The following STX12 variants were observed in gnomAD, a reference collection of about 807,000 sequenced individuals.
STX12 encodes the protein syntaxin-12.
A neutral mutation model predicts 42.2 loss-of-function variants in STX12; 17 were observed. That is an observed-to-expected ratio of 0.40 (90% confidence interval 0.28 to 0.60). The LOEUF (loss-of-function observed/expected upper bound fraction) is 0.60, where lower values mean the gene tolerates loss of function less well. Ranked by LOEUF, STX12 falls within the 20% of genes least tolerant of loss-of-function variation. The pLI is 0.39. For synonymous variants in STX12, 108 were observed against 116.7 expected (o/e 0.93, Z 0.48); for missense variants, 297 against 330.9 (o/e 0.90, Z 0.79).
chr1:27,814,229 A>G (rs1375595291), intron 6 of STX12, among the ~76,000 whole-genome samples: 1 of 152,198 alleles, frequency 6.6e-6, no homozygotes, highest in African/African-American at 2.4e-5. Context: ...AATTGAATTA[A>G]TTGTCTAACA....
chr1:27,785,318 TA>T (rs1271796502), intron 1 of STX12, among the ~76,000 whole-genome samples: 6 of 152,162 alleles, frequency 3.9e-5, no homozygotes, highest in Non-Finnish European at 7.3e-5. Context: ...TAGAGGGATA[TA>T]GTCAGTCCAG....
At chr1:27,794,153 T>C (rs1309989361) in intron 3 of STX12, among the ~76,000 whole-genome samples, 1 of 152,004 alleles carries the variant, frequency 6.6e-6, no homozygotes, top group Non-Finnish European at 1.5e-5. Flanking sequence ...GCCTCCTGAG[T>C]AGCTGCAACT....
intron 3 of STX12, among the ~76,000 whole-genome samples, chr1:27,795,143 A>G (rs1318032049): frequency 6.6e-6 from 1 of 152,120 alleles, no homozygotes; most frequent in Non-Finnish European, 1.5e-5. Flanking sequence ...GGTTGTGGCT[A>G]GTGGAACATG....
intron 5 of STX12, 36 bp from the exon 6 acceptor site, chr1:27,812,127 G>A: frequency 6.6e-7 from 1 of 1,516,062 alleles, no homozygotes; most frequent in South Asian, 1.2e-5. Flanking sequence ...ATGCCTTTGA[G>A]AGGAGAAATC....
chr1:27,779,754 T>C (rs1465692028), intron 1 of STX12, among the ~76,000 whole-genome samples: 2 of 152,154 alleles, frequency 1.3e-5, no homozygotes, highest in Admixed American at 6.5e-5. Flanking sequence ...TTCTCAACTC[T>C]ATCTTTCAGT....
chr1:27,812,442 TG>T (rs2088909514), intron 6 of STX12, among the ~76,000 whole-genome samples, 174 bp downstream of exon 6: 1 of 139,386 alleles, frequency 7.2e-6, no homozygotes, highest in African/African-American at 3.4e-5. Context: ...CGGTTTTTTT[TG>T]TTTTTTTTTT....
Position 27,794,070 on chromosome 1 carries a change from G to A in STX12, c.288+438G>A, listed in dbSNP as rs74633950. ...GACAGGGTCTCCCTCTGTCACCTAC[G>A]GTAGAGCGCAGTGTTGAAATCATAG... On this transcript the variant is annotated intron_variant, in intron 3 of 8. Transcript: ENST00000373943. 5.4e-3 allele frequency among the ~76,000 whole-genome samples: 811 copies of A among 150,944 alleles called. 3 individuals are homozygous for A. The highest frequency in any genetic ancestry group is 7.7e-3 in the Non-Finnish European group (523 of 67,890).
intron 3 of STX12, among the ~76,000 whole-genome samples, chr1:27,798,433 T>C (rs1425916929): frequency 6.6e-6 from 1 of 150,804 alleles, no homozygotes. Context: ...TCACCTGAGG[T>C]CAGGAGTTTG....
At chr1:27,818,040 C>T (rs2088954991) in intron 7 of STX12, 117 bp downstream of exon 7, 1 of 747,732 alleles carries the variant, frequency 1.3e-6, no homozygotes. Flanking sequence ...TTGAAGCCAA[C>T]CTGGGCAACA....
rs1328323395 is a variant in STX12, at chr1:27,817,833, GT to G, written c.577-12del. 1 of 1,612,152 alleles carries G rather than the reference GT, an allele frequency of 6.2e-7. No homozygotes were observed. ...ACATGTTGCTTAATGTTAGTTAATT[GT>G]TTTTTGTCTTCCTTAGGCTGACATT... On this transcript the variant is annotated splice_polypyrimidine_tract_variant and intron_variant, in intron 6 of 8. Coordinates refer to ENST00000373943, the MANE Select transcript of STX12 (RefSeq NM_177424.3).
intron 4 of STX12, chr1:27,809,895 A>C (rs1003776308): frequency 5.3e-6 from 1 of 188,398 alleles, no homozygotes; most frequent in East Asian, 1.3e-4. Context: ...CATTTAAAAA[A>C]TTTTTACATG....
chr1:27,779,052 T>G (rs1002409991), intron 1 of STX12, among the ~76,000 whole-genome samples: 9 of 152,184 alleles, frequency 5.9e-5, no homozygotes, highest in African/African-American at 2.2e-4. Flanking sequence ...TAAAATTGAT[T>G]ATTATGAAAT....
chr1:27,819,646 G>A lies in STX12; in HGVS notation c.650-4G>A. On this transcript the variant is annotated splice_region_variant and splice_polypyrimidine_tract_variant and intron_variant, in intron 7 of 8. Transcript: ENST00000373943. ...TAAAACATCCTCTGTCCTTCCTTTT[G>A]CAGATAGCATAGAAGCCAATGTGGA... The A allele has an allele frequency of 1.2e-6, 2 of 1,613,038 alleles. No homozygotes were observed. Among genetic ancestry groups the A allele is most frequent in the Non-Finnish European group, 1.7e-6 (2 of 1,179,296 alleles).
intron 1 of STX12, among the ~76,000 whole-genome samples, chr1:27,789,037 A>C (rs1229644173): frequency 6.6e-6 from 1 of 152,102 alleles, no homozygotes; most frequent in Non-Finnish European, 1.5e-5. Flanking sequence ...TAAATAAAAA[A>C]GTACATCTAC....
intron 4 of STX12, among the ~76,000 whole-genome samples, chr1:27,808,996 C>A (rs1037740795): frequency 2.4e-4 from 37 of 152,116 alleles, no homozygotes; most frequent in African/African-American, 8.7e-4. Context: ...CCAATAAGTT[C>A]TGTTAAATCA....
chr1:27,781,012 C>T (rs895848951), intron 1 of STX12, among the ~76,000 whole-genome samples: 1 of 151,926 alleles, frequency 6.6e-6, no homozygotes, highest in African/African-American at 2.4e-5. Flanking sequence ...CTGCCTGGCA[C>T]ATAGCAGGCG....
chr1:27,815,951 G>A (rs1049497291), intron 6 of STX12, among the ~76,000 whole-genome samples: 4 of 152,080 alleles, frequency 2.6e-5, no homozygotes, highest in Admixed American at 2.0e-4. Context: ...CGAGGCAGGC[G>A]GATCAGTTGA....
chr1:27,810,558 G>A (rs1243274586), intron 5 of STX12, among the ~76,000 whole-genome samples: 1 of 152,038 alleles, frequency 6.6e-6, no homozygotes, highest in Non-Finnish European at 1.5e-5. Flanking sequence ...TGACTCCCTA[G>A]GAATAAGTAT....
chr1:27,799,897 G>A (rs1271240335), intron 3 of STX12, among the ~76,000 whole-genome samples: 2 of 152,240 alleles, frequency 1.3e-5, no homozygotes, highest in African/African-American at 4.8e-5. Context: ...GATTACAGGT[G>A]CCTGCCACCA....
Sources: gnomAD v4.1 joint callset for allele counts (sites outside exome capture counted in the v4.1 genomes callset) on GRCh38, gnomAD v4.1.1 for gene constraint, MANE v1.5 for transcripts, NCBI Gene and HGNC (gene_info 2026-07-23, HGNC 2026-07-21) for gene names.